HCRTR2: variants seen among roughly 807,000 people sequenced by gnomAD.
HCRTR2 encodes the protein orexin receptor type 2.
Under a neutral mutation model 49.0 loss-of-function variants are expected in HCRTR2, and 22 were observed. The observed-to-expected ratio is 0.45, with a 90% CI of 0.32 to 0.64. The LOEUF (loss-of-function observed/expected upper bound fraction) is 0.64, where lower values mean the gene tolerates loss of function less well. Ranked by LOEUF, HCRTR2 falls within the 30% of genes least tolerant of loss-of-function variation. The pLI, the probability that HCRTR2 is intolerant of heterozygous loss-of-function variation, is 0.04. For missense variants in HCRTR2, 491 were observed against 559.4 expected (o/e 0.88, Z 1.23); for synonymous variants, 236 against 205.3 (o/e 1.15, Z -1.28).
intron 1 of HCRTR2, among the ~76,000 whole-genome samples, chr6:55,209,025 T>C (rs1036442739): frequency 6.6e-6 from 1 of 152,216 alleles, no homozygotes; most frequent in Non-Finnish European, 1.5e-5. Context: ...TTATTACATA[T>C]GCATTTTCTA....
At chr6:55,273,382 C>A (rs1446909316) in intron 4 of HCRTR2, among the ~76,000 whole-genome samples, 1 of 152,076 alleles carries the variant, frequency 6.6e-6, no homozygotes, top group Non-Finnish European at 1.5e-5. Flanking sequence ...TAGCACTTAG[C>A]AAATGGAGCA....
At chr6:55,141,710 A>G (rs1177529546) in intron 1 of HCRTR2, among the ~76,000 whole-genome samples, 1 of 152,304 alleles carries the variant, frequency 6.6e-6, no homozygotes, top group African/African-American at 2.4e-5. Flanking sequence ...AAAGAAGCCT[A>G]GAGAACAAAC....
At chr6:55,162,219 A>G (rs1764816735) in intron 1 of HCRTR2, among the ~76,000 whole-genome samples, 1 of 152,244 alleles carries the variant, frequency 6.6e-6, no homozygotes, top group Non-Finnish European at 1.5e-5. Flanking sequence ...TCACAAAAAC[A>G]GAACCAATGA....
intron 1 of HCRTR2, among the ~76,000 whole-genome samples, chr6:55,157,949 C>T (rs1764752243): frequency 6.6e-6 from 1 of 152,168 alleles, no homozygotes; most frequent in Non-Finnish European, 1.5e-5. Context: ...CAATAAATAC[C>T]TAACTTCTCA....
chr6:55,187,630 A>G (rs1639791646), intron 1 of HCRTR2, among the ~76,000 whole-genome samples: 1 of 148,266 alleles, frequency 6.7e-6, no homozygotes, highest in Admixed American at 6.7e-5. Flanking sequence ...TGTTTGTCAT[A>G]CCTATTTTAG....
intron 1 of HCRTR2, among the ~76,000 whole-genome samples, chr6:55,213,067 A>C (rs533776716): frequency 6.0e-5 from 9 of 149,580 alleles, no homozygotes; most frequent in Non-Finnish European, 1.3e-4. Flanking sequence ...GTAAGAGTAC[A>C]TGAAAAAAAA....
intron 1 of HCRTR2, among the ~76,000 whole-genome samples, chr6:55,123,134 A>AAAT (rs1378435216): frequency 6.6e-6 from 1 of 151,682 alleles, no homozygotes; most frequent in Non-Finnish European, 1.5e-5. Flanking sequence ...TATATATATA[A>AAAT]AATAATAATA....
intron 1 of HCRTR2, among the ~76,000 whole-genome samples, chr6:55,118,033 C>G (rs1764142758): frequency 6.6e-6 from 1 of 151,678 alleles, no homozygotes; most frequent in Non-Finnish European, 1.5e-5. Context: ...TGTTATTTTT[C>G]CTGATCCTGT....
Position 55,165,743 on chromosome 6 carries a change from GAATATATATATATATA to G in HCRTR2, c.-377-8467_-377-8452del, listed in dbSNP as rs1284158009. ...GTATTTGTTAAGGGATTAGTATACA[GAATATATATATATATA>G]TATATATATATATATATATATATAT... is the stretch of plus-strand genomic sequence containing the variant. On this transcript the variant is annotated intron_variant, in intron 1 of 7. Coordinates refer to the HCRTR2 transcript ENST00000615358. Among the ~76,000 whole-genome samples the G allele has an allele frequency of 3.9e-4, 35 of 90,222 alleles. No individual in the cohort carries two copies. The South Asian group carries it at 7.4e-3, about 19-fold the overall frequency. The allele number at this position is 90,222 out of a possible 152,430, so 59.2% of individuals were successfully genotyped here. A position where few individuals can be genotyped will look rare whatever the true frequency, so the allele number is the denominator to read the frequency against.
At chr6:55,184,744 A>G (rs1473828945) in intron 1 of HCRTR2, among the ~76,000 whole-genome samples, 3 of 152,208 alleles carry the variant, frequency 2.0e-5, no homozygotes, top group South Asian at 2.1e-4. Flanking sequence ...TGGAAATACA[A>G]CAATGATTAA....
chr6:55,119,281 A>G (rs918845483), intron 1 of HCRTR2, among the ~76,000 whole-genome samples: 10 of 149,996 alleles, frequency 6.7e-5, no homozygotes, highest in African/African-American at 2.2e-4. Context: ...AGAACAATTT[A>G]TGTGGGTATA....
At chr6:55,147,186 T>C (rs998263521) in intron 1 of HCRTR2, among the ~76,000 whole-genome samples, 3 of 152,228 alleles carry the variant, frequency 2.0e-5, no homozygotes, top group Admixed American at 6.6e-5. Flanking sequence ...ATACAAAATA[T>C]AGCTATTTTA....
intron 1 of HCRTR2, among the ~76,000 whole-genome samples, chr6:55,210,337 A>G (rs1765674905): frequency 6.6e-6 from 1 of 152,082 alleles, no homozygotes; most frequent in Admixed American, 6.6e-5. Flanking sequence ...AGATTGATAC[A>G]ATGTGATGGG....
intron 1 of HCRTR2, among the ~76,000 whole-genome samples, chr6:55,161,236 G>A (rs1421766172): frequency 6.6e-6 from 1 of 152,076 alleles, no homozygotes; most frequent in Non-Finnish European, 1.5e-5. Context: ...AATGACTACT[G>A]GGTAAATAAT....
rs200515216 is a variant in HCRTR2 at position 55,180,805 on chromosome 6, A to AT, written c.223+6007dup. 5.8e-3 allele frequency among the ~76,000 whole-genome samples: 849 copies of AT among 145,244 alleles called. 3 individuals are homozygous for AT. The highest frequency in any genetic ancestry group is 6.3e-3 in the Non-Finnish European group (419 of 66,184). Reference sequence around the variant, plus strand: ...TTATTAAATAGATGAACTTTTTTTAATTTTTTTTTTTTGAGATGGAGTCTT... The same window carrying AT: ...TTATTAAATAGATGAACTTTTTTTAATTTTTTTTTTTTTGAGATGGAGTCTT... On this transcript the variant is annotated intron_variant, in intron 1 of 6. Coordinates refer to ENST00000370862, the MANE Select transcript of HCRTR2 (RefSeq NM_001384272.1).
chr6:55,139,925 A>G (rs2127252233), intron 1 of HCRTR2, among the ~76,000 whole-genome samples: 1 of 152,308 alleles, frequency 6.6e-6, no homozygotes, highest in East Asian at 1.9e-4. Flanking sequence ...AAATTGACCT[A>G]TTTGAAATAC....
intron 4 of HCRTR2, among the ~76,000 whole-genome samples, 163 bp from the exon 5 acceptor site, chr6:55,277,217 A>G (rs561636179): frequency 6.6e-6 from 1 of 152,298 alleles, no homozygotes; most frequent in East Asian, 1.9e-4. Context: ...AATTAACGCC[A>G]AGCACATACT....
At chr6:55,180,018 G>A (rs545343581) in intron 1 of HCRTR2, among the ~76,000 whole-genome samples, 2 of 152,164 alleles carry the variant, frequency 1.3e-5, no homozygotes, top group South Asian at 4.1e-4. Flanking sequence ...CATGTGATTG[G>A]TGAAGCTGAC....
intron 1 of HCRTR2, among the ~76,000 whole-genome samples, chr6:55,237,085 T>C (rs1355159951): frequency 6.6e-6 from 1 of 152,152 alleles, no homozygotes; most frequent in Admixed American, 6.5e-5. Flanking sequence ...TTTCTTTCTG[T>C]TAAATCTCTT....
Sources: gnomAD v4.1 joint callset for allele counts (sites outside exome capture counted in the v4.1 genomes callset) on GRCh38, gnomAD v4.1.1 for gene constraint, MANE v1.5 for transcripts, NCBI Gene and HGNC (gene_info 2026-07-23, HGNC 2026-07-21) for gene names.